LARGE1: variants seen among roughly 807,000 people sequenced by gnomAD.
LARGE1 encodes the protein xylosyl- and glucuronyltransferase LARGE1.
A neutral mutation model predicts 87.6 loss-of-function variants in LARGE1; 43 were observed. That is an observed-to-expected ratio of 0.49 (90% CI 0.38 to 0.63). The LOEUF is 0.63. Ranked by LOEUF, LARGE1 falls within the 30% of genes least tolerant of loss-of-function variation. The probability of loss-of-function intolerance (pLI) is 0.00; values close to 1 mark genes in which losing one functional copy is unlikely to be tolerated. For synonymous variants in LARGE1, 434 were observed against 394.6 expected, an observed-to-expected ratio of 1.10 and a Z score of -1.18; for missense variants, 802 against 1,000.2, an observed-to-expected ratio of 0.80 and a Z score of 2.67.
At chr22:33,657,603 C>T (rs1167494022) in intron 2 of LARGE1, among the ~76,000 whole-genome samples, 1 of 152,040 alleles carries the variant, frequency 6.6e-6, no homozygotes, top group Non-Finnish European at 1.5e-5. Context: ...AGGGCCAGAT[C>T]AGGCATACTT....
the LARGE1 span, among the ~76,000 whole-genome samples, chr22:33,090,533 A>G: frequency 6.6e-6 from 1 of 152,140 alleles, no homozygotes; most frequent in Non-Finnish European, 1.5e-5. Context: ...AGCACTGGAA[A>G]ACTTCTAAGT....
Position 33,556,918 on chromosome 22 carries a change from A to C in LARGE1, c.787+7930T>G, listed in dbSNP as rs556812767. On this transcript the variant is annotated intron_variant, in intron 6 of 14. Transcript: ENST00000397394. Reference sequence around the variant, plus strand: ...CTACTCGGGAGGCTGAGGCAGGGGAATCACTTGAACCCGGGAGGCAGAGGT... The same window carrying C: ...CTACTCGGGAGGCTGAGGCAGGGGACTCACTTGAACCCGGGAGGCAGAGGT... 1.4e-4 allele frequency among the ~76,000 whole-genome samples: 21 copies of C among 152,230 alleles called. No individual in the cohort carries two copies. In the South Asian group the frequency reaches 4.4e-3, roughly 32 times the overall value.
Position 33,384,286 on chromosome 22 carries a change from A to G in LARGE1, c.911T>C (p.Leu304Pro). The G allele has an allele frequency of 6.2e-7, 1 of 1,613,866 alleles. No individual in the cohort carries two copies. The highest frequency in any genetic ancestry group is 1.1e-5 in the South Asian group (1 of 91,054). ...GYNTGVILLL[L>P]DKLRKMKWEQ... ...CCATTTCATCTTCCGCAGCTTATCC[A>G]GAAGTAACAGGATCACCCCTGGGCA... is the stretch of plus-strand genomic sequence containing the variant. Residue 304 changes from leucine (L) to proline (P), a missense_variant, in exon 8 of 15, where the codon CTG becomes CCG. By Grantham distance (98) the Leu-to-Pro change is moderately conservative (BLOSUM62 -3). Transcript: ENST00000397394.
chr22:33,494,422 T>G (rs2070002921), intron 6 of LARGE1, among the ~76,000 whole-genome samples: 1 of 152,256 alleles, frequency 6.6e-6, no homozygotes, highest in African/African-American at 2.4e-5. Context: ...TAACAAAGAT[T>G]AATGTATGTG....
intron 2 of LARGE1, among the ~76,000 whole-genome samples, chr22:33,658,532 T>C (rs1349341396): frequency 6.6e-6 from 1 of 152,182 alleles, no homozygotes; most frequent in Admixed American, 6.5e-5. Context: ...AGTGAGAACA[T>C]GCGATTTTTG....
At chr22:33,175,755 A>G (rs1922831391) in intron 11 of LARGE1, among the ~76,000 whole-genome samples, 1 of 152,226 alleles carries the variant, frequency 6.6e-6, no homozygotes, top group Non-Finnish European at 1.5e-5. Flanking sequence ...ATTCAATGCT[A>G]TCCCCATCAA....
chr22:33,312,189 A>C (rs1935672289), intron 11 of LARGE1, among the ~76,000 whole-genome samples: 1 of 152,186 alleles, frequency 6.6e-6, no homozygotes, highest in South Asian at 2.1e-4. Context: ...AAAGAAGTTA[A>C]GTGATGCACT....
chr22:33,422,021 C>T (rs2066712136), intron 7 of LARGE1, among the ~76,000 whole-genome samples: 1 of 152,178 alleles, frequency 6.6e-6, no homozygotes, highest in South Asian at 2.1e-4. Context: ...TTCAGCTGGC[C>T]GACTACTCTC....
At chr22:33,280,129 T>TG (rs1930142841) in intron 13 of LARGE1, among the ~76,000 whole-genome samples, 1 of 152,180 alleles carries the variant, frequency 6.6e-6, no homozygotes, top group Admixed American at 6.5e-5. Context: ...GCAATGGTTC[T>TG]GGAGGCTGCC....
intron 1 of LARGE1, among the ~76,000 whole-genome samples, chr22:33,884,951 G>T (rs560141466): frequency 6.6e-6 from 1 of 152,342 alleles, no homozygotes; most frequent in South Asian, 2.1e-4. Context: ...CCATGGGGGG[G>T]AGGAATTAAT....
intron 1 of LARGE1, among the ~76,000 whole-genome samples, chr22:33,907,298 A>C (rs972547795): frequency 5.3e-5 from 8 of 152,202 alleles, no homozygotes; most frequent in African/African-American, 1.4e-4. Flanking sequence ...TACTAGAGGC[A>C]ATACTAAATA....
chr22:33,205,820 C>A (rs1165866879), intron 11 of LARGE1, among the ~76,000 whole-genome samples: 1 of 152,054 alleles, frequency 6.6e-6, no homozygotes, highest in East Asian at 1.9e-4. Context: ...CGCTGTGATG[C>A]CCAGGCTGGA....
At chr22:33,814,724 A>ATGTG (rs5845113) in intron 1 of LARGE1, among the ~76,000 whole-genome samples, 59 of 150,700 alleles carry the variant, frequency 3.9e-4, no homozygotes, top group East Asian at 1.6e-3. Flanking sequence ...ATCAAGGTAT[A>ATGTG]TGTGTGTGTG....
chr22:33,578,818 A>G (rs77817296), intron 5 of LARGE1, among the ~76,000 whole-genome samples: 1 of 152,240 alleles, frequency 6.6e-6, no homozygotes, highest in Non-Finnish European at 1.5e-5. Context: ...AATTGTACTC[A>G]GAAATGGGAA....
chr22:33,308,139 G>A (rs73166238), intron 11 of LARGE1, among the ~76,000 whole-genome samples: 7,933 of 152,200 alleles, frequency 0.052, 261 homozygotes, highest in African/African-American at 0.074. Flanking sequence ...GAAGCCTCAC[G>A]CAGTCTCTGT....
intron 10 of LARGE1, among the ~76,000 whole-genome samples, chr22:33,331,787 T>G (rs1201688204): frequency 6.6e-6 from 1 of 152,126 alleles, no homozygotes; most frequent in Non-Finnish European, 1.5e-5. Flanking sequence ...ATCATGCTTG[T>G]GTTGGCTCCT....
intron 2 of LARGE1, among the ~76,000 whole-genome samples, chr22:33,677,051 C>T (rs928950158): frequency 3.3e-5 from 5 of 152,114 alleles, no homozygotes; most frequent in East Asian, 1.9e-4. Flanking sequence ...AAAAAATCGA[C>T]GGCTCAGAGA....
the LARGE1 span, among the ~76,000 whole-genome samples, chr22:33,126,005 C>T: frequency 6.6e-6 from 1 of 152,326 alleles, no homozygotes; most frequent in Admixed American, 6.5e-5. Context: ...GACTCAGCCT[C>T]TCAAAGTGCT....
chr22:33,882,892 A>G (rs992294059), intron 1 of LARGE1, among the ~76,000 whole-genome samples: 12 of 152,146 alleles, frequency 7.9e-5, no homozygotes, highest in African/African-American at 1.4e-4. Flanking sequence ...TAATCACTCC[A>G]TAATCCAATT....
Sources: allele counts gnomAD v4.1 joint callset (sites outside exome capture counted in the v4.1 genomes callset), GRCh38; gene constraint gnomAD v4.1.1; transcripts MANE v1.5; gene names NCBI Gene and HGNC (gene_info 2026-07-23, HGNC 2026-07-21).